CUBN: variants seen among roughly 807,000 people sequenced by gnomAD.
CUBN encodes 460 kDa receptor.
CUBN carries 282 observed loss-of-function variants against 405.3 expected under a neutral mutation model. The ratio of observed to expected loss-of-function variants is 0.70; its 90% CI spans 0.63 to 0.77. CUBN has a LOEUF of 0.77. Ranked by LOEUF, CUBN falls within the 30% of genes least tolerant of loss-of-function variation. CUBN has a pLI of 0.00. For missense variants in CUBN, 4,514 were observed against 4,475.2 expected, an observed-to-expected ratio of 1.01 and a Z score of -0.25; for synonymous variants, 1,684 against 1,617.0, an observed-to-expected ratio of 1.04 and a Z score of -0.99.
rs565219618 is a variant in CUBN, at chr10:16,952,024, T to G, written c.4969+252A>C. ...GTTGTGTTGTTGTGCGTGTGTGTGT[T>G]TTTTAACCTTTGCTAGGCCTTGACA... On this transcript the variant is annotated intron_variant, in intron 33 of 66. Transcript: ENST00000377833. 3.9e-5 allele frequency among the ~76,000 whole-genome samples: 6 copies of G among 152,326 alleles called. No homozygotes were observed. The East Asian group carries it at 1.2e-3, about 29-fold the overall frequency.
chr10:17,025,343 T>C (rs1242627512), intron 27 of CUBN, among the ~76,000 whole-genome samples: 2 of 152,228 alleles, frequency 1.3e-5, no homozygotes, highest in Non-Finnish European at 2.9e-5. Context: ...TAGAATGTAC[T>C]TGACTAATGT....
chr10:16,840,767 A>G (rs1839323246), intron 61 of CUBN, 118 bp downstream of exon 61: 1 of 944,902 alleles, frequency 1.1e-6, no homozygotes, highest in African/African-American at 1.6e-5. Flanking sequence ...TTTAGATAGT[A>G]ATTGACATTG....
At chr10:17,104,814 T>TAA (rs1372843123) in intron 11 of CUBN, among the ~76,000 whole-genome samples, 9 of 60,234 alleles carry the variant, frequency 1.5e-4, no homozygotes, top group Non-Finnish European at 3.8e-4. Flanking sequence ...TATATATAAT[T>TAA]TTTTTTTTTT....
rs1316739647 is a variant in CUBN at position 16,926,787 on chromosome 10, C to A, written c.6272-1013G>T. On this transcript the variant is annotated intron_variant, in intron 41 of 66. Transcript: ENST00000377833. ...AAAAGGGTGGGAATAAAGTGTTCAA[C>A]TTTCAAAGGTGAAATTTTTTTTTCT... 2.0e-5 allele frequency among the ~76,000 whole-genome samples: 3 copies of A among 149,410 alleles called. No individual in the cohort carries two copies. In the East Asian group the frequency reaches 6.0e-4, roughly 30 times the overall value.
intron 13 of CUBN, among the ~76,000 whole-genome samples, chr10:17,101,564 T>A (rs1174132122): frequency 2.0e-5 from 3 of 152,200 alleles, no homozygotes; most frequent in African/African-American, 7.2e-5. Flanking sequence ...AAAAAGTTAA[T>A]AGGATTTCAA....
intron 48 of CUBN, among the ~76,000 whole-genome samples, chr10:16,912,940 A>G (rs372212985): frequency 9.9e-5 from 15 of 152,274 alleles, no homozygotes; most frequent in Middle Eastern, 3.4e-3. Flanking sequence ...GGGAGAGGAG[A>G]ACGGAACCAG....
At chr10:16,848,689 C>CTT (rs1839590151) in intron 60 of CUBN, among the ~76,000 whole-genome samples, 1 of 33,856 alleles carries the variant, frequency 3.0e-5, no homozygotes, top group Non-Finnish European at 1.1e-4. Flanking sequence ...TCTCTCCCAG[C>CTT]CTTTTTTTTT....
chr10:16,907,153 T>C (rs1351414108), intron 49 of CUBN, among the ~76,000 whole-genome samples: 4 of 152,174 alleles, frequency 2.6e-5, no homozygotes, highest in Non-Finnish European at 5.9e-5. Flanking sequence ...TTAATTACTC[T>C]CTGAGACTAA....
At chr10:16,890,895 T>A (rs372428672) in intron 54 of CUBN, among the ~76,000 whole-genome samples, 6 of 152,112 alleles carry the variant, frequency 3.9e-5, no homozygotes, top group Admixed American at 3.3e-4. Flanking sequence ...TCAGCCCTGC[T>A]CCTGGGAAGA....
intron 31 of CUBN, among the ~76,000 whole-genome samples, chr10:16,961,704 C>CTT (rs138499807): frequency 1.7e-3 from 128 of 74,038 alleles, no homozygotes; most frequent in East Asian, 0.015. Context: ...AAAGCAATCC[C>CTT]TTTTTTTTTT....
chr10:16,865,489 G>A lies in CUBN; in HGVS notation c.9454+4147C>T, dbSNP rs148265679. On this transcript the variant is annotated intron_variant, in intron 59 of 66. Transcript: ENST00000377833. The stretch of plus-strand genomic sequence containing the variant: ...TCTGGGCAACAGGGGCTGGCTGGGA[G>A]CTTTGAGTCCAGGTGAGAGGTGAAG... 7.2e-5 allele frequency among the ~76,000 whole-genome samples: 11 copies of A among 152,270 alleles called. No individual in the cohort carries two copies. The East Asian group carries it at 2.1e-3, about 29-fold the overall frequency.
At chr10:17,017,980 CTTG>C (rs1483770162) in intron 28 of CUBN, among the ~76,000 whole-genome samples, 3 of 152,124 alleles carry the variant, frequency 2.0e-5, no homozygotes, top group East Asian at 3.9e-4. Flanking sequence ...GGCCAACCAA[CTTG>C]TTGTTGGGAC....
At chr10:17,025,962 G>A (rs575623066) in intron 27 of CUBN, among the ~76,000 whole-genome samples, 1 of 152,316 alleles carries the variant, frequency 6.6e-6, no homozygotes, top group East Asian at 1.9e-4. Flanking sequence ...TGTTAAGGCT[G>A]CCACGGTGAG....
intron 60 of CUBN, among the ~76,000 whole-genome samples, chr10:16,849,341 T>C (rs1490435862): frequency 7.0e-6 from 1 of 142,132 alleles, no homozygotes; most frequent in Non-Finnish European, 1.6e-5. Flanking sequence ...GTACTTTTCC[T>C]GGAGCTGAGA....
rs1329447328 is a variant in CUBN, at chr10:16,890,543, A to G, written c.8599-16T>C. The G allele has an allele frequency of 6.2e-7, 1 of 1,614,024 alleles. No individual in the cohort carries two copies. The highest frequency in any genetic ancestry group is 2.2e-5 in the East Asian group (1 of 44,882). On this transcript the variant is annotated splice_polypyrimidine_tract_variant and intron_variant, in intron 54 of 66. Transcript: ENST00000377833. ...CTGCCCACACCTAGCACGGACATACACAGAACTTTAATGCTCAAGGGTTTC... is the reference window on the plus strand; with the variant it reads ...CTGCCCACACCTAGCACGGACATACGCAGAACTTTAATGCTCAAGGGTTTC...
chr10:16,967,070 A>G (rs1056179578), intron 31 of CUBN, among the ~76,000 whole-genome samples: 19 of 152,192 alleles, frequency 1.2e-4, no homozygotes, highest in African/African-American at 4.1e-4. Flanking sequence ...GTGAATGCGG[A>G]AGGAAATGAA....
At chr10:16,931,454 G>A (rs867469920) in intron 40 of CUBN, among the ~76,000 whole-genome samples, 6 of 152,132 alleles carry the variant, frequency 3.9e-5, no homozygotes, top group Admixed American at 1.3e-4. Context: ...GAATCCATAC[G>A]GAAAGGCCGC....
chr10:17,020,568 C>T (rs1199806077), intron 27 of CUBN, among the ~76,000 whole-genome samples: 2 of 151,986 alleles, frequency 1.3e-5, no homozygotes, highest in South Asian at 2.1e-4. Context: ...AATATTGATT[C>T]GACTAAAGAC....
rs752992672 is a variant in CUBN at position 17,115,487 on chromosome 10, C to G, written c.704G>C (p.Arg235Pro). 1.9e-6 allele frequency: 3 copies of G among 1,613,872 alleles called. No homozygotes were observed. In the African/African-American group the frequency reaches 4.0e-5, roughly 22 times the overall value. ...CVHGICEDLM[R>P]EQAGEPKYSC... is the part of the protein sequence containing the mutation. The stretch of plus-strand genomic sequence containing the variant: ...GGGACCCACCTCTCCAGCTTGCTCT[C>G]GCATTAAATCCTCACAGATGCCATG... The change falls in exon 7 of 67, where the codon CGA (arginine) becomes CCA (proline). Residue 235 changes from arginine to proline, a missense_variant. Physicochemically the swap from Arg to Pro is moderately radical, Grantham distance 103. This residue lies in a region of CUBN where 1,448 missense variants were observed against 1,388.0 expected (regional missense o/e 1.04). Coordinates refer to ENST00000377833, the MANE Select transcript of CUBN (RefSeq NM_001081.4).
Sources: gnomAD v4.1 joint callset for allele counts (sites outside exome capture counted in the v4.1 genomes callset) on GRCh38, gnomAD v4.1.1 for gene constraint, gnomAD v4.1.1 regional missense constraint, MANE v1.5 for transcripts, NCBI Gene and HGNC (gene_info 2026-07-23, HGNC 2026-07-21) for gene names.